Variants in CNTNAP2 observed in about 807,000 individuals in gnomAD.
CNTNAP2 encodes contactin-associated protein-like 2.
CNTNAP2 carries 98 observed loss-of-function variants against 155.2 expected under a neutral mutation model. The ratio of observed to expected loss-of-function variants is 0.63; its 90% CI spans 0.54 to 0.75. The LOEUF (loss-of-function observed/expected upper bound fraction) is 0.75, where lower values mean the gene tolerates loss of function less well. Among genes scored for constraint, CNTNAP2 ranks in the 30% least tolerant of loss-of-function variants. The probability of loss-of-function intolerance (pLI) is 0.00; values close to 1 mark genes in which losing one functional copy is unlikely to be tolerated. For missense variants in CNTNAP2, 1,727 were observed against 1,688.1 expected, an observed-to-expected ratio of 1.02 and a Z score of -0.40; for synonymous variants, 651 against 631.2, an observed-to-expected ratio of 1.03 and a Z score of -0.47.
At chr7:147,100,325 A>T (rs1233019059) in intron 4 of CNTNAP2, among the ~76,000 whole-genome samples, 1 of 152,210 alleles carries the variant, frequency 6.6e-6, no homozygotes, top group Admixed American at 6.5e-5. Context: ...ATGGTTTATC[A>T]TATATACATT....
At chr7:146,486,061 T>G (rs1584947274) in intron 1 of CNTNAP2, among the ~76,000 whole-genome samples, 1 of 107,050 alleles carries the variant, frequency 9.3e-6, no homozygotes, top group Non-Finnish European at 1.9e-5. Flanking sequence ...TTTTTTTTTT[T>G]TTTTTTTTTT....
At chr7:146,402,580 C>A (rs2129108776) in intron 1 of CNTNAP2, among the ~76,000 whole-genome samples, 1 of 152,134 alleles carries the variant, frequency 6.6e-6, no homozygotes, top group African/African-American at 2.4e-5. Context: ...AGGAAGTAAG[C>A]AAATAATTAT....
chr7:147,697,638 G>A (rs1325592607), intron 13 of CNTNAP2, among the ~76,000 whole-genome samples: 3 of 152,114 alleles, frequency 2.0e-5, no homozygotes, highest in African/African-American at 7.2e-5. Context: ...TCTGGGCTAT[G>A]GACTTCACAA....
chr7:146,318,321 A>G (rs1800945155), intron 1 of CNTNAP2, among the ~76,000 whole-genome samples: 1 of 152,166 alleles, frequency 6.6e-6, no homozygotes, highest in Non-Finnish European at 1.5e-5. Flanking sequence ...AAGCTATAAA[A>G]TAAAAAGCTT....
chr7:148,200,086 T>C (rs1795343412), intron 18 of CNTNAP2, among the ~76,000 whole-genome samples: 1 of 152,334 alleles, frequency 6.6e-6, no homozygotes, highest in Non-Finnish European at 1.5e-5. Flanking sequence ...CTGACAATTA[T>C]GATCCTCTCT....
chr7:147,750,840 C>T (rs2116502420), intron 13 of CNTNAP2, among the ~76,000 whole-genome samples: 1 of 152,034 alleles, frequency 6.6e-6, no homozygotes, highest in African/African-American at 2.4e-5. Flanking sequence ...AGATCCAGAC[C>T]ATCCTGGCTA....
chr7:146,206,882 G>GT (rs1798955555), intron 1 of CNTNAP2, among the ~76,000 whole-genome samples: 1 of 151,792 alleles, frequency 6.6e-6, no homozygotes, highest in Non-Finnish European at 1.5e-5. Flanking sequence ...CAAATTAATA[G>GT]TACCTTTAAG....
Position 147,840,794 on chromosome 7 carries a change from C to A in CNTNAP2, c.2099-62771C>A, listed in dbSNP as rs148238618. ...AGGTACTCACATCACATCTCTAAGA[C>A]CTTGTCTAGAATGGGATCTAGATTC... On this transcript the variant is annotated intron_variant, in intron 13 of 23. Transcript: ENST00000361727. Among the ~76,000 whole-genome samples the A allele has an allele frequency of 3.4e-3, 512 of 152,124 alleles. 2 individuals carry two copies. Among genetic ancestry groups the A allele is most frequent in the African/African-American group, 0.012 (482 of 41,468 alleles).
intron 14 of CNTNAP2, among the ~76,000 whole-genome samples, chr7:147,913,787 C>A (rs1388798063): frequency 6.6e-6 from 1 of 152,118 alleles, no homozygotes; most frequent in East Asian, 1.9e-4. Flanking sequence ...ATGAAAAGAG[C>A]GTGTCTCCAG....
In CNTNAP2 at chr7:146,528,121, C is replaced by T. The variant is rs184595384; in HGVS notation, c.98-246150C>T. Among the ~76,000 whole-genome samples the T allele has an allele frequency of 1.1e-4, 16 of 152,174 alleles. No individual in the cohort carries two copies. In the East Asian group the frequency reaches 2.5e-3, roughly 24 times the overall value. On this transcript the variant is annotated intron_variant, in intron 1 of 23. Coordinates refer to ENST00000361727, the MANE Select transcript of CNTNAP2 (RefSeq NM_014141.6). ...TAGGGCACTGAAAGTCCTTTTTACT[C>T]GGTTTGAGGTTTCTTAAAAGGAGTA... is the stretch of plus-strand genomic sequence containing the variant.
intron 10 of CNTNAP2, among the ~76,000 whole-genome samples, chr7:147,424,332 A>C (rs1379171071): frequency 6.6e-6 from 1 of 152,174 alleles, no homozygotes; most frequent in African/African-American, 2.4e-5. Flanking sequence ...GTCCCTGTCA[A>C]GTCATCAGCA....
intron 11 of CNTNAP2, among the ~76,000 whole-genome samples, chr7:147,493,610 A>G (rs565317298): frequency 1.3e-5 from 2 of 152,320 alleles, no homozygotes; most frequent in South Asian, 2.1e-4. Context: ...AAAAATGTGT[A>G]TAGTTTCATT....
intron 1 of CNTNAP2, among the ~76,000 whole-genome samples, chr7:146,727,715 G>T (rs139214818): frequency 6.6e-6 from 1 of 152,334 alleles, no homozygotes; most frequent in East Asian, 1.9e-4. Flanking sequence ...ATAATAGCAA[G>T]CTCTACCCAG....
intron 16 of CNTNAP2, among the ~76,000 whole-genome samples, chr7:148,140,164 T>C (rs903898947): frequency 2.0e-5 from 3 of 152,190 alleles, no homozygotes; most frequent in Admixed American, 6.5e-5. Flanking sequence ...CCTCTCTATA[T>C]AGATTCAGGA....
chr7:146,641,158 T>C (rs929263031), intron 1 of CNTNAP2, among the ~76,000 whole-genome samples: 13 of 151,810 alleles, frequency 8.6e-5, no homozygotes, highest in Non-Finnish European at 1.8e-4. Flanking sequence ...AACCCCGTCT[T>C]TACTAAAAAT....
intron 1 of CNTNAP2, among the ~76,000 whole-genome samples, chr7:146,533,347 A>G (rs1797799134): frequency 6.6e-6 from 1 of 152,138 alleles, no homozygotes; most frequent in African/African-American, 2.4e-5. Context: ...GGAATTTAGA[A>G]AGACTATCCA....
chr7:146,143,253 TGC>T (rs2116760615), intron 1 of CNTNAP2, among the ~76,000 whole-genome samples: 1 of 152,342 alleles, frequency 6.6e-6, no homozygotes, highest in East Asian at 1.9e-4. Flanking sequence ...CTTTTTATTA[TGC>T]CAGTTTAAAA....
intron 8 of CNTNAP2, among the ~76,000 whole-genome samples, chr7:147,214,412 G>A (rs1803222821): frequency 6.6e-6 from 1 of 152,034 alleles, no homozygotes; most frequent in African/African-American, 2.4e-5. Flanking sequence ...TTGCTCCTTT[G>A]TAAAATGGAG....
At chr7:147,496,771 T>G (rs1369279305) in intron 11 of CNTNAP2, 2 of 151,054 alleles carry the variant, frequency 1.3e-5, no homozygotes, top group African/African-American at 4.9e-5. Flanking sequence ...AAAGTTGAAT[T>G]ATTGGTTCCC....
Sources: allele counts gnomAD v4.1 joint callset (sites outside exome capture counted in the v4.1 genomes callset), GRCh38; gene constraint gnomAD v4.1.1; transcripts MANE v1.5; gene names NCBI Gene and HGNC (gene_info 2026-07-23, HGNC 2026-07-21).